Variants in BCOR observed in about 807,000 individuals in gnomAD.
The protein encoded by BCOR is BCL6 corepressor.
In BCOR, 10 loss-of-function variants were observed where a neutral mutation model predicts 86.7. The ratio of observed to expected loss-of-function variants is 0.12; its 90% CI spans 0.07 to 0.20. BCOR has a LOEUF of 0.20. BCOR is among the 10% of genes least tolerant of loss of function. BCOR has a pLI of 1.00. For missense variants in BCOR, 1,259 were observed against 1,452.1 expected (o/e 0.87, Z 2.16); for synonymous variants, 611 against 609.0 (o/e 1.00, Z -0.05).
chrX:40,108,149 G>A (rs866665823), intron 1 of BCOR, among the ~76,000 whole-genome samples: 31 of 112,711 alleles, frequency 2.8e-4, no homozygotes, highest in Middle Eastern at 4.6e-3. Context: ...ATAAAATCGG[G>A]CGGCCTAATC....
intron 1 of BCOR, among the ~76,000 whole-genome samples, chrX:40,165,708 A>T (rs1285550332): frequency 8.9e-6 from 1 of 112,518 alleles, no homozygotes; most frequent in Non-Finnish European, 1.9e-5. Context: ...CTTCCTACTT[A>T]CAATTCAAAC....
chrX:40,135,369 T>A (rs959288418), intron 1 of BCOR, among the ~76,000 whole-genome samples: 1 of 110,288 alleles, frequency 9.1e-6, no homozygotes, highest in Non-Finnish European at 1.9e-5. Flanking sequence ...CATTCCATCA[T>A]GGCTTTTTTC....
At chrX:40,154,978 G>T (rs1052458251) in intron 1 of BCOR, among the ~76,000 whole-genome samples, 2 of 111,122 alleles carry the variant, frequency 1.8e-5, no homozygotes, top group Non-Finnish European at 3.8e-5. Flanking sequence ...ACACACACAC[G>T]CACGCGCGCG....
intron 1 of BCOR, among the ~76,000 whole-genome samples, chrX:40,127,297 G>C (rs1937555028): frequency 8.9e-6 from 1 of 112,001 alleles, no homozygotes; most frequent in East Asian, 2.8e-4. Flanking sequence ...ACAGGGAGAA[G>C]AGTGACAGTT....
chrX:40,059,039 TTTATTTGCTCTGACAA>T (rs1233644355), intron 10 of BCOR, among the ~76,000 whole-genome samples: 1 of 111,443 alleles, frequency 9.0e-6, no homozygotes, highest in Non-Finnish European at 1.9e-5. Context: ...CAACCCAGGG[TTTATTTGCTCTGACAA>T]TTATGGCCTT....
chrX:40,095,523 C>T (rs2147699147), intron 1 of BCOR, among the ~76,000 whole-genome samples: 1 of 110,664 alleles, frequency 9.0e-6, no homozygotes, highest in South Asian at 3.9e-4. Context: ...GGATCTTTCT[C>T]CAAAAGACTA....
At chrX:40,124,661 G>A (rs1419933823) in intron 1 of BCOR, among the ~76,000 whole-genome samples, 1 of 110,153 alleles carries the variant, frequency 9.1e-6, no homozygotes, top group African/African-American at 3.3e-5. Context: ...GGAATTCAGT[G>A]GCGAGATCAT....
At chrX:40,116,673 A>G (rs1937400601) in intron 1 of BCOR, among the ~76,000 whole-genome samples, 1 of 111,694 alleles carries the variant, frequency 9.0e-6, no homozygotes, top group Non-Finnish European at 1.9e-5. Context: ...AACACTAGCA[A>G]CTAAATTTCG....
chrX:40,161,484 C>CACCGCGCCT (rs1938419574), intron 1 of BCOR, among the ~76,000 whole-genome samples: 3 of 99,350 alleles, frequency 3.0e-5, no homozygotes, highest in African/African-American at 1.1e-4. Context: ...AGGTGTGAGC[C>CACCGCGCCT]AGAAACCAGG....
chrX:40,072,806 T>C lies in BCOR; in HGVS notation c.2540A>G (p.Gln847Arg). Reference protein sequence around the residue: ...PPKPSVEPALQQHRDFIALRE... With the variant: ...PPKPSVEPALRQHRDFIALRE... ...CAGGGCGATGAAATCACGGTGCTGC[T>C]GCAGGGCCGGCTCAACTGAGGGCTT... The change falls in exon 4 of 15, where the codon CAG becomes CGG. Residue 847 changes from glutamine (Q) to arginine (R), a missense_variant. Coordinates refer to ENST00000378444, the MANE Select transcript of BCOR (RefSeq NM_001123385.2). 2.5e-6 allele frequency: 3 copies of C among 1,211,891 alleles called. No homozygotes were observed. Among genetic ancestry groups the C allele is most frequent in the Non-Finnish European group, 3.4e-6 (3 of 895,513 alleles).
At chrX:40,141,990 C>T (rs1352604702) in intron 1 of BCOR, among the ~76,000 whole-genome samples, 1 of 111,856 alleles carries the variant, frequency 8.9e-6, no homozygotes, top group East Asian at 2.8e-4. Context: ...CATTCCCCAG[C>T]CCCTTCACCC....
In BCOR at chrX:40,055,489, G is replaced by A. The variant is rs370429826; in HGVS notation, c.4620C>T (p.Asn1540=). The A allele has an allele frequency of 2.5e-5, 30 of 1,209,884 alleles. No homozygotes were observed. In the East Asian group the frequency reaches 2.7e-4, roughly 11 times the overall value. ...GTAGTCGGACAATTTCCAAGTGATC[G>A]TTCTCAACAGCATCGTGCAGAGGCC... The part of the protein sequence containing the change: ...GTRPLHDAVE[N]DHLEIVRLLL... Residue 1540 remains asparagine, a synonymous_variant, in exon 12 of 15, where the codon AAC becomes AAT. Coordinates refer to ENST00000378444, the MANE Select transcript of BCOR (RefSeq NM_001123385.2).
intron 1 of BCOR, among the ~76,000 whole-genome samples, chrX:40,144,505 C>T (rs1021155942): frequency 8.9e-6 from 1 of 111,791 alleles, no homozygotes; most frequent in Non-Finnish European, 1.9e-5. Context: ...ATTGCGGGGA[C>T]CTGACCAAAG....
At chrX:40,067,579 C>T (rs1331315655) in intron 6 of BCOR, among the ~76,000 whole-genome samples, 1 of 112,207 alleles carries the variant, frequency 8.9e-6, no homozygotes, top group Non-Finnish European at 1.9e-5. Context: ...CCTGCCCACA[C>T]GCAGTGTAGA....
intron 1 of BCOR, among the ~76,000 whole-genome samples, chrX:40,096,623 G>A (rs1327530422): frequency 1.8e-5 from 2 of 111,473 alleles, no homozygotes; most frequent in Admixed American, 1.9e-4. Context: ...GGCTCGGCCC[G>A]AGGCACTCGC....
chrX:40,156,077 C>A (rs1938287468), intron 1 of BCOR, among the ~76,000 whole-genome samples: 1 of 113,510 alleles, frequency 8.8e-6, no homozygotes, highest in Non-Finnish European at 1.9e-5. Flanking sequence ...GCCATTCCAG[C>A]CTCGGAGCTG....
chrX:40,176,367 C>CCCTCCCGGAGTAG (rs1223051530), intron 1 of BCOR, among the ~76,000 whole-genome samples: 2 of 112,952 alleles, frequency 1.8e-5, no homozygotes, highest in Non-Finnish European at 3.8e-5. Flanking sequence ...CTCACGGATC[C>CCCTCCCGGAGTAG]CCTCCCGGAG....
chrX:40,159,160 T>C (rs369229129), intron 1 of BCOR, among the ~76,000 whole-genome samples: 44 of 112,048 alleles, frequency 3.9e-4, no homozygotes, highest in African/African-American at 1.4e-3. Context: ...TTCTGAAAAG[T>C]TGTTGTTTAG....
At chrX:40,091,967 G>C (rs767743390) in intron 1 of BCOR, among the ~76,000 whole-genome samples, 2 of 113,091 alleles carry the variant, frequency 1.8e-5, no homozygotes, top group East Asian at 5.7e-4. Flanking sequence ...CTCTTGACCC[G>C]CAGCACTGCT....
Sources: allele counts gnomAD v4.1 joint callset (sites outside exome capture counted in the v4.1 genomes callset), GRCh38; gene constraint gnomAD v4.1.1; transcripts MANE v1.5; gene names NCBI Gene and HGNC (gene_info 2026-07-23, HGNC 2026-07-21).